The following RAD52 variants were observed in gnomAD, a reference collection of about 807,000 sequenced individuals.
The protein encoded by RAD52 is DNA repair protein RAD52 homolog.
In RAD52, 47 loss-of-function variants were observed where a neutral mutation model predicts 55.5. The observed-to-expected ratio is 0.85, with a 90% CI of 0.67 to 1.08. The LOEUF is 1.08. Ranked by LOEUF, RAD52 falls within the 50% of genes least tolerant of loss-of-function variation. RAD52 has a pLI of 0.00. For synonymous variants in RAD52, 184 were observed against 198.9 expected, an observed-to-expected ratio of 0.92 and a Z score of 0.63; for missense variants, 468 against 522.8, an observed-to-expected ratio of 0.90 and a Z score of 1.02.
At chr12:975,537 C>A (rs1373438939) in intron 1 of RAD52, 2 of 152,210 alleles carry the variant, frequency 1.3e-5, no homozygotes, top group Non-Finnish European at 2.9e-5. Flanking sequence ...CAAAACTATT[C>A]CTTCACCTAT....
chr12:972,740 T>C (rs1424611810), intron 1 of RAD52, among the ~76,000 whole-genome samples: 2 of 120,482 alleles, frequency 1.7e-5, no homozygotes, highest in South Asian at 2.9e-4. Flanking sequence ...CACTCCAGCC[T>C]GGGCGACAGA....
chr12:927,346 C>A (rs1957093699), intron 5 of RAD52, 83 bp from the exon 6 acceptor site: 2 of 1,007,978 alleles, frequency 2.0e-6, no homozygotes, highest in Non-Finnish European at 3.1e-6. Context: ...CAGCAGGGTT[C>A]AAAGCCGGAC....
intron 5 of RAD52, 60 bp from the exon 6 acceptor site, chr12:927,323 C>T: frequency 1.6e-6 from 2 of 1,238,504 alleles, no homozygotes; most frequent in Non-Finnish European, 2.4e-6. Flanking sequence ...CCACAACTCC[C>T]CTGTTCCTCA....
intron 1 of RAD52, among the ~76,000 whole-genome samples, chr12:984,584 C>T (rs1959061510): frequency 6.6e-6 from 1 of 151,944 alleles, no homozygotes; most frequent in Admixed American, 6.6e-5. Context: ...GCTTATTTTA[C>T]TTAGTGTAAG....
At chr12:961,671 GC>G (rs1220479200) in intron 1 of RAD52, among the ~76,000 whole-genome samples, 1 of 151,932 alleles carries the variant, frequency 6.6e-6, no homozygotes, top group Non-Finnish European at 1.5e-5. Context: ...GACCAGCATG[GC>G]CCACATAGCG....
At chr12:974,274 C>T (rs774272330) in intron 1 of RAD52, 4 of 152,248 alleles carry the variant, frequency 2.6e-5, no homozygotes, top group African/African-American at 9.6e-5. Context: ...TGATCTCCAA[C>T]TGCCAGCACC....
chr12:938,944 G>A (rs184943813), intron 1 of RAD52, among the ~76,000 whole-genome samples: 1 of 151,974 alleles, frequency 6.6e-6, no homozygotes, highest in Admixed American at 6.6e-5. Flanking sequence ...TAATTATATC[G>A]TGATTCTGTA....
At chr12:985,801 C>A (rs1959078356) in intron 1 of RAD52, among the ~76,000 whole-genome samples, 1 of 150,934 alleles carries the variant, frequency 6.6e-6, no homozygotes, top group South Asian at 2.1e-4. Flanking sequence ...CACCACCACG[C>A]CCAACTAATT....
intron 1 of RAD52, among the ~76,000 whole-genome samples, chr12:984,321 G>A (rs781136633): frequency 8.6e-5 from 13 of 151,396 alleles, no homozygotes; most frequent in Non-Finnish European, 1.2e-4. Context: ...TCATCCTCCC[G>A]AATAGCTGGG....
chr12:926,651 A>G (rs11571446), intron 6 of RAD52: 52,342 of 858,250 alleles, frequency 0.061, 1,930 homozygotes, highest in African/African-American at 0.085. Context: ...TGCTGGCACC[A>G]GGCTTCCAGT....
intron 1 of RAD52, among the ~76,000 whole-genome samples, chr12:986,614 C>G (rs979884829): frequency 6.6e-6 from 1 of 152,150 alleles, no homozygotes; most frequent in East Asian, 1.9e-4. Flanking sequence ...ATCTTCTTGT[C>G]TCAGCCTCCA....
At chr12:942,294 A>G (rs550675133) in intron 1 of RAD52, among the ~76,000 whole-genome samples, 1 of 152,352 alleles carries the variant, frequency 6.6e-6, no homozygotes, top group African/African-American at 2.4e-5. Context: ...TACCATTTGT[A>G]CAGTCATCTT....
At chr12:977,405 T>C (rs1958948433) in intron 1 of RAD52, among the ~76,000 whole-genome samples, 1 of 152,160 alleles carries the variant, frequency 6.6e-6, no homozygotes, top group South Asian at 2.1e-4. Context: ...AACGCTGCCA[T>C]TTTGCACCTT....
intron 1 of RAD52, among the ~76,000 whole-genome samples, chr12:988,913 G>C: frequency 8.3e-6 from 1 of 121,078 alleles, no homozygotes; most frequent in South Asian, 2.3e-4. Context: ...AGATTTGGTA[G>C]AGACAAAAAA....
chr12:978,205 G>A (rs145001152), intron 1 of RAD52, among the ~76,000 whole-genome samples: 145 of 152,136 alleles, frequency 9.5e-4, no homozygotes, highest in Non-Finnish European at 1.8e-3. Context: ...CACCATGCCC[G>A]GCTAATTTTT....
At chr12:943,168 A>C (rs1360875850) in intron 1 of RAD52, among the ~76,000 whole-genome samples, 1 of 152,196 alleles carries the variant, frequency 6.6e-6, no homozygotes, top group Non-Finnish European at 1.5e-5. Flanking sequence ...GACAACACCA[A>C]ATGCTGGCAA....
At position 933,050 on chromosome 12, in the gene RAD52, C is replaced by T; in HGVS notation, c.9G>A (p.Gly3=). MS[G]TEEAILGGRD... Reference sequence around the variant, plus strand: ...GTCCTCCAAGAATTGCTTCCTCAGTCCCAGACATCTTGATTCTGGTTGACC... The same window carrying T: ...GTCCTCCAAGAATTGCTTCCTCAGTTCCAGACATCTTGATTCTGGTTGACC... Residue 3 remains glycine, a synonymous_variant, in exon 2 of 12, where the codon GGG becomes GGA. Transcript: ENST00000358495. 1 of 1,613,592 alleles carries T rather than the reference C, an allele frequency of 6.2e-7. No homozygotes were observed. The highest frequency in any genetic ancestry group is 8.5e-7 in the Non-Finnish European group (1 of 1,179,878).
In RAD52 at chr12:920,013, T is replaced by C. The variant is rs1475346048; in HGVS notation, c.544-3193A>G. On this transcript the variant is annotated intron_variant, in intron 7 of 11. Coordinates refer to ENST00000358495, the MANE Select transcript of RAD52 (RefSeq NM_134424.4). ...ATGGCAGTGAGCCGAGATCACACAA[T>C]TGCACCCCAGCCTGGGCAACAAGAG... Among the ~76,000 whole-genome samples, 3 of 109,048 alleles carry C rather than the reference T, an allele frequency of 2.8e-5. 1 individual carries two copies. Among genetic ancestry groups the C allele is most frequent in the South Asian group, 3.6e-4 (1 of 2,806 alleles). 71.5% of individuals were successfully genotyped at this position (109,048 alleles called of 152,430 possible). A position where few individuals can be genotyped will look rare whatever the true frequency, so the allele number is the denominator to read the frequency against.
chr12:928,674 T>A (rs1424714581), intron 5 of RAD52, among the ~76,000 whole-genome samples: 1 of 152,158 alleles, frequency 6.6e-6, no homozygotes, highest in Non-Finnish European at 1.5e-5. Flanking sequence ...TTTCATATCT[T>A]TAATTTTTCT....
Sources: gnomAD v4.1 joint callset for allele counts (sites outside exome capture counted in the v4.1 genomes callset) on GRCh38, gnomAD v4.1.1 for gene constraint, MANE v1.5 for transcripts, NCBI Gene and HGNC (gene_info 2026-07-23, HGNC 2026-07-21) for gene names.